TSC22D4: variants seen among roughly 807,000 people sequenced by gnomAD.
TSC22D4 encodes TSC22 domain family member 4.
TSC22D4 carries 5 observed loss-of-function variants against 24.9 expected under a neutral mutation model. The observed-to-expected ratio is 0.20, with a 90% CI of 0.10 to 0.42. The LOEUF is 0.42. Ranked by LOEUF, TSC22D4 falls within the 10% of genes least tolerant of loss-of-function variation. TSC22D4 has a pLI of 1.00. For missense variants in TSC22D4, 469 were observed against 547.9 expected (o/e 0.86, Z 1.44); for synonymous variants, 245 against 243.2 (o/e 1.01, Z -0.07).
At chr7:100,467,700 A>G in intron 3 of TSC22D4, 100 bp from the exon 4 acceptor site, 1 of 1,184,736 alleles carries the variant, frequency 8.4e-7, no homozygotes, top group South Asian at 1.3e-5. Context: ...TGTACCTGTG[A>G]CAGTAGAGAA....
At position 100,471,738 on chromosome 7, in the gene TSC22D4, T is replaced by C. The variant is rs760934922; in HGVS notation, c.929+2536A>G. Among the ~76,000 whole-genome samples the C allele has an allele frequency of 5.5e-4, 83 of 151,524 alleles. 1 individual carries two copies. Among genetic ancestry groups the C allele is most frequent in the Non-Finnish European group, 1.6e-4 (11 of 67,912 alleles). ...TTGGGAAACAGAGCAAGACTCCATCTAAAAAAGAAAAAAACAAAAACAAAA... is the reference window on the plus strand; with the variant it reads ...TTGGGAAACAGAGCAAGACTCCATCCAAAAAAGAAAAAAACAAAAACAAAA... On this transcript the variant is annotated intron_variant, in intron 3 of 4. Coordinates refer to ENST00000300181, the MANE Select transcript of TSC22D4 (RefSeq NM_030935.5).
chr7:100,470,557 C>T (rs1431947176), intron 3 of TSC22D4, among the ~76,000 whole-genome samples: 1 of 152,200 alleles, frequency 6.6e-6, no homozygotes, highest in Non-Finnish European at 1.5e-5. Context: ...CCCACCTCAG[C>T]CTCCCATCTC....
Position 100,477,757 on chromosome 7 carries a change from A to G in TSC22D4, c.282T>C (p.Asp94=), listed in dbSNP as rs989234771. 5 of 1,604,790 alleles carry G rather than the reference A, an allele frequency of 3.1e-6. No individual in the cohort carries two copies. The highest frequency in any genetic ancestry group is 4.2e-6 in the Non-Finnish European group (5 of 1,179,826). ...PYRRGRWTCV[D]VYERDLEPHS... ...GGGGCTCCAGGTCTCGCTCATAAAC[A>G]TCCACACACGTCCAGCGACCGCGGC... is the stretch of plus-strand genomic sequence containing the variant. Residue 94 remains aspartate (D), a synonymous_variant, in exon 2 of 5, where the codon GAT becomes GAC. Transcript: ENST00000300181. This position sits in a 1 kb window ranked among gnomAD's most constrained non-coding sequence, Gnocchi z 7.8.
Position 100,478,244 on chromosome 7 carries a change from G to T in TSC22D4, c.-206C>A, listed in dbSNP as rs577493480. 3.3e-4 allele frequency: 182 copies of T among 557,156 alleles called. 5 individuals are homozygous for T. The highest frequency in any genetic ancestry group is 9.5e-4 in the Middle Eastern group (2 of 2,114). 34.5% of individuals were successfully genotyped at this position (557,156 alleles called of 1,614,324 possible). On this transcript the variant is annotated 5_prime_UTR_variant, in exon 2 of 5. Transcript: ENST00000300181. ...AAGAGGAGAGGGGAGGTGGCGGGAG[G>T]GGGGAGCAGGGGCAGGTTTTTCCTG...
intron 2 of TSC22D4, among the ~76,000 whole-genome samples, chr7:100,476,309 T>C (rs1444781529): frequency 6.6e-6 from 1 of 151,936 alleles, no homozygotes; most frequent in African/African-American, 2.4e-5. Flanking sequence ...GAGCCAGTCC[T>C]GACCGGTCCT....
Position 100,477,707 on chromosome 7 carries a change from C to T in TSC22D4, c.332G>A (p.Gly111Glu). ...EPHSFGGLLE[G>E]IRGASGGAGG... Reference sequence around the variant, plus strand: ...GGCGCCCCCTGAGGCCCCTCGAATTCCCTCCAGGAGTCCGCCGAAGCTGTG... The same window carrying T: ...GGCGCCCCCTGAGGCCCCTCGAATTTCCTCCAGGAGTCCGCCGAAGCTGTG... Residue 111 changes from glycine to glutamate, a missense_variant, in exon 2 of 5, where the codon GGA becomes GAA. By Grantham distance (98) the Gly-to-Glu change is moderately conservative (BLOSUM62 -2). Coordinates refer to ENST00000300181, the MANE Select transcript of TSC22D4 (RefSeq NM_030935.5). The surrounding 1 kb of genome is among the most constrained non-coding windows in gnomAD (Gnocchi z 7.8). 6.3e-7 allele frequency: 1 copy of T among 1,598,528 alleles called. No individual in the cohort carries two copies. Among genetic ancestry groups the T allele is most frequent in the South Asian group, 1.1e-5 (1 of 90,518 alleles).
chr7:100,467,618 G>A lies in TSC22D4; in HGVS notation c.930-18C>T, dbSNP rs369925864. ...CGGAGCCACTGGAGAGACACAGGAA[G>A]GTGAGGGGAGGAGAGGAGAAGCCTT... On this transcript the variant is annotated intron_variant, in intron 3 of 4. Transcript: ENST00000300181. 87 of 1,613,794 alleles carry A rather than the reference G, an allele frequency of 5.4e-5. No homozygotes were observed. The highest frequency in any genetic ancestry group is 6.9e-5 in the Non-Finnish European group (82 of 1,179,864).
intron 3 of TSC22D4, among the ~76,000 whole-genome samples, chr7:100,473,063 A>T (rs1799424127): frequency 6.6e-6 from 1 of 152,054 alleles, no homozygotes; most frequent in African/African-American, 2.4e-5. Flanking sequence ...CCCCGGGGAG[A>T]AGCAGGCAGC....
rs1203467296 is a variant in TSC22D4, at chr7:100,477,753, A to C, written c.286T>G (p.Tyr96Asp). 6.2e-7 allele frequency: 1 copy of C among 1,604,556 alleles called. No individual in the cohort carries two copies. The stretch of plus-strand genomic sequence containing the variant: ...CTGTGGGGCTCCAGGTCTCGCTCAT[A>C]AACATCCACACACGTCCAGCGACCG... ...RRGRWTCVDV[Y>D]ERDLEPHSFG... The change falls in exon 2 of 5, where the codon TAT (tyrosine) becomes GAT (aspartate). Residue 96 changes from tyrosine (Y) to aspartate (D), a missense_variant. Coordinates refer to ENST00000300181, the MANE Select transcript of TSC22D4 (RefSeq NM_030935.5). The surrounding 1 kb of genome is among the most constrained non-coding windows in gnomAD (Gnocchi z 7.8).
chr7:100,468,355 G>A (rs1452450020), intron 3 of TSC22D4, among the ~76,000 whole-genome samples: 7 of 152,194 alleles, frequency 4.6e-5, no homozygotes, highest in Non-Finnish European at 7.3e-5. Flanking sequence ...TGAAGGGAGA[G>A]GAAGGGGCTG....
At chr7:100,472,773 T>C (rs1799418323) in intron 3 of TSC22D4, among the ~76,000 whole-genome samples, 1 of 151,452 alleles carries the variant, frequency 6.6e-6, no homozygotes, top group Non-Finnish European at 1.5e-5. Flanking sequence ...CCACCTCCTT[T>C]GCCAGGTCCC....
chr7:100,468,142 C>T (rs567203644), intron 3 of TSC22D4: 1 of 316,850 alleles, frequency 3.2e-6, no homozygotes, highest in African/African-American at 2.3e-5. Flanking sequence ...GCTATTGGCT[C>T]CTTGGGGACA....
At chr7:100,471,016 C>T (rs996475060) in intron 3 of TSC22D4, among the ~76,000 whole-genome samples, 6 of 152,024 alleles carry the variant, frequency 3.9e-5, no homozygotes, top group Non-Finnish European at 7.4e-5. Context: ...TCAAATAAAA[C>T]GGCCTCAACA....
chr7:100,472,381 G>A (rs529988047), intron 3 of TSC22D4, among the ~76,000 whole-genome samples: 15 of 151,304 alleles, frequency 9.9e-5, no homozygotes, highest in Admixed American at 3.9e-4. Flanking sequence ...GCTGGGAACC[G>A]GACCGGTCAG....
At chr7:100,470,383 C>T (rs1463210615) in intron 3 of TSC22D4, among the ~76,000 whole-genome samples, 2 of 152,204 alleles carry the variant, frequency 1.3e-5, no homozygotes, top group Non-Finnish European at 2.9e-5. Flanking sequence ...ACCTCCACCT[C>T]TGGGTTCAAG....
Position 100,466,740 on chromosome 7 carries a change from A to G in TSC22D4, c.*219T>C, listed in dbSNP as rs898263437. 5.4e-5 allele frequency: 31 copies of G among 577,030 alleles called. No individual in the cohort carries two copies. The highest frequency in any genetic ancestry group is 8.1e-5 in the Non-Finnish European group (27 of 332,838). 35.7% of individuals were successfully genotyped at this position (577,030 alleles called of 1,614,324 possible). A position where few individuals can be genotyped will look rare whatever the true frequency, so the allele number is the denominator to read the frequency against. On this transcript the variant is annotated 3_prime_UTR_variant, in exon 5 of 5. Transcript: ENST00000300181. ...GGAGGGTGGGGGTTGGTTCCCTCCCAGAGGGGGCTCCCTCTGACGCCCCGT... is the reference window on the plus strand; with the variant it reads ...GGAGGGTGGGGGTTGGTTCCCTCCCGGAGGGGGCTCCCTCTGACGCCCCGT...
intron 3 of TSC22D4, among the ~76,000 whole-genome samples, chr7:100,470,685 G>A (rs923868201): frequency 2.0e-5 from 3 of 152,130 alleles, no homozygotes; most frequent in East Asian, 1.9e-4. Flanking sequence ...ACCCCAAAGC[G>A]AGGGGTTGTG....
At chr7:100,469,410 T>C (rs370793074) in intron 3 of TSC22D4, among the ~76,000 whole-genome samples, 11 of 151,998 alleles carry the variant, frequency 7.2e-5, no homozygotes, top group African/African-American at 2.7e-4. Context: ...GTCTGGGAAG[T>C]GGCCACCAGA....
intron 3 of TSC22D4, among the ~76,000 whole-genome samples, chr7:100,472,526 G>A (rs893285271): frequency 3.9e-5 from 6 of 152,042 alleles, no homozygotes; most frequent in South Asian, 4.2e-4. Flanking sequence ...CAACAGGGGT[G>A]GGGGAGGGAC....
Sources: allele counts gnomAD v4.1 joint callset (sites outside exome capture counted in the v4.1 genomes callset), GRCh38; gene constraint gnomAD v4.1.1; non-coding constraint Gnocchi (gnomAD v3.1); transcripts MANE v1.5; gene names NCBI Gene and HGNC (gene_info 2026-07-23, HGNC 2026-07-21).